Variants in KMT2C observed in about 807,000 individuals in gnomAD.
KMT2C encodes lysine methyltransferase 2C, also known as histone-lysine N-methyltransferase 2C.
In KMT2C, 88 loss-of-function variants were observed where a neutral mutation model predicts 507.9. The observed-to-expected ratio is 0.17, with a 90% CI of 0.15 to 0.21. The LOEUF is 0.21. KMT2C is among the 10% of genes least tolerant of loss of function. The pLI is 1.00. For missense variants in KMT2C, 4,954 were observed against 5,957.8 expected (o/e 0.83, Z 5.55); for synonymous variants, 2,049 against 2,080.8 (o/e 0.98, Z 0.42).
At chr7:152,195,537 A>T in intron 28 of KMT2C, 23 of 985,240 alleles carry the variant, frequency 2.3e-5, no homozygotes, top group Non-Finnish European at 2.8e-5. Context: ...GGAAAAGGTG[A>T]GCTCTCAACC....
At position 152,252,592 on chromosome 7, in the gene KMT2C, G is replaced by A; in HGVS notation, c.1423C>T (p.His475Tyr). 6.2e-7 allele frequency: 1 copy of A among 1,613,320 alleles called. No homozygotes were observed. The highest frequency in any genetic ancestry group is 1.1e-5 in the South Asian group (1 of 91,066). The stretch of plus-strand genomic sequence containing the variant: ...AGCATGTCTTTCTGCAATTCTGGAT[G>A]ATAACACTTCCCACAGAAGGGACAT... ...NLCPFCGKCY[H>Y]PELQKDMLHC... Residue 475 changes from histidine to tyrosine, a missense_variant, in exon 10 of 59, where the codon CAT becomes TAT. By Grantham distance (83) the His-to-Tyr change is moderately conservative (BLOSUM62 2). Transcript: ENST00000262189.
At position 152,144,675 on chromosome 7, in the gene KMT2C, C is replaced by G; in HGVS notation, c.14343+38G>C. 1 of 1,586,460 alleles carries G rather than the reference C, an allele frequency of 6.3e-7. No homozygotes were observed. The highest frequency in any genetic ancestry group is 1.1e-5 in the South Asian group (1 of 88,544). ...TAGCTTCAGATTGCTAGACTCCACC[C>G]TGTCTCTCCACTTCCTGTACACAAA... On this transcript the variant is annotated intron_variant, in intron 55 of 58. Coordinates refer to ENST00000262189, the MANE Select transcript of KMT2C (RefSeq NM_170606.3). The surrounding 1 kb of genome is among the most constrained non-coding windows in gnomAD (Gnocchi z 4.4).
chr7:152,237,737 G>A (rs1308844198), intron 15 of KMT2C, among the ~76,000 whole-genome samples: 3 of 152,050 alleles, frequency 2.0e-5, no homozygotes, highest in African/African-American at 4.8e-5. Context: ...CTGACCTCAA[G>A]TGATCTGCCC....
At chr7:152,347,709 C>A (rs2097073163) in intron 2 of KMT2C, among the ~76,000 whole-genome samples, 1 of 152,152 alleles carries the variant, frequency 6.6e-6, no homozygotes, top group African/African-American at 2.4e-5. Flanking sequence ...TAAATTTTAA[C>A]TTTCAGTAAT....
At chr7:152,364,940 C>G (rs974612643) in intron 1 of KMT2C, among the ~76,000 whole-genome samples, 146 of 145,150 alleles carry the variant, frequency 1.0e-3, no homozygotes, top group South Asian at 3.2e-3. Context: ...GACAGACACA[C>G]ACACACACAC....
intron 1 of KMT2C, among the ~76,000 whole-genome samples, chr7:152,430,134 C>T (rs1194159784): frequency 5.3e-5 from 8 of 150,032 alleles, no homozygotes; most frequent in Non-Finnish European, 7.4e-5. Context: ...GCCAGGATCA[C>T]GCCACTGCAC....
Position 152,320,330 on chromosome 7 carries a change from C to A in KMT2C, c.390-4992G>T, listed in dbSNP as rs547745054. ...ATGGTACGGTCTTGGCTCACTGTAA[C>A]CTCCACCTCCTGGGTTCAAGCAATT... On this transcript the variant is annotated intron_variant, in intron 3 of 58. Transcript: ENST00000262189. Among the ~76,000 whole-genome samples, 8 of 152,240 alleles carry A rather than the reference C, an allele frequency of 5.3e-5. No individual in the cohort carries two copies. In the East Asian group the frequency reaches 1.5e-3, roughly 29 times the overall value.
Position 152,156,012 on chromosome 7 carries a change from G to T in KMT2C, c.11858C>A (p.Pro3953His). ...AGCTCGGGCCAACAAGTCGTCCTGG[G>T]GTCTGAAGGGCAGCTGAAATGGTTT... is the stretch of plus-strand genomic sequence containing the variant. ...GPKPFQLPFR[P>H]QDDLLARALA... Residue 3953 changes from proline (P) to histidine (H), a missense_variant, in exon 46 of 59, where the codon CCC becomes CAC. Physicochemically the swap from Pro to His is moderately conservative, Grantham distance 77. This residue lies in a region of KMT2C where 104 missense variants were observed against 134.3 expected (regional missense o/e 0.77). Coordinates refer to ENST00000262189, the MANE Select transcript of KMT2C (RefSeq NM_170606.3). 1 of 1,606,658 alleles carries T rather than the reference G, an allele frequency of 6.2e-7. No individual in the cohort carries two copies. The highest frequency in any genetic ancestry group is 8.5e-7 in the Non-Finnish European group (1 of 1,178,320).
intron 27 of KMT2C, among the ~76,000 whole-genome samples, chr7:152,196,694 A>G (rs1214807369): frequency 6.6e-6 from 1 of 152,218 alleles, no homozygotes; most frequent in Non-Finnish European, 1.5e-5. Flanking sequence ...AAAACAAGGA[A>G]AAAGGATTAA....
At chr7:152,195,500 C>T (rs2093935812) in intron 28 of KMT2C, 1 of 978,724 alleles carries the variant, frequency 1.0e-6, no homozygotes, top group South Asian at 4.7e-5. Flanking sequence ...AGTCAGCCGT[C>T]ATCCATTGCT....
chr7:152,401,704 TAAAC>T (rs1299309595), intron 1 of KMT2C, among the ~76,000 whole-genome samples: 19 of 152,036 alleles, frequency 1.2e-4, no homozygotes, highest in Non-Finnish European at 1.6e-4. Context: ...AATAAATAAA[TAAAC>T]AAACAAAGTA....
At chr7:152,310,936 T>A (rs139521062) in intron 5 of KMT2C, among the ~76,000 whole-genome samples, 1 of 152,040 alleles carries the variant, frequency 6.6e-6, no homozygotes, top group African/African-American at 2.4e-5. Context: ...TCCACCTACC[T>A]CAGCCTGCCA....
At chr7:152,253,926 G>A (rs1457561740) in intron 9 of KMT2C, among the ~76,000 whole-genome samples, 1 of 152,126 alleles carries the variant, frequency 6.6e-6, no homozygotes, top group African/African-American at 2.4e-5. Context: ...ATCCCTGGGT[G>A]TAAGGTTAAT....
chr7:152,330,689 T>C lies in KMT2C; in HGVS notation c.301A>G (p.Ser101Gly). The change falls in exon 3 of 59, where the codon AGC becomes GGC. Residue 101 changes from serine (S) to glycine (G), a missense_variant. This residue lies in a region of KMT2C where 233 missense variants were observed against 263.6 expected (regional missense o/e 0.88). Transcript: ENST00000262189. The part of the protein sequence containing the change: ...EEDAEAEVDN[S>G]KQLIPTLQRS... ...TGAAGAGTTGGAATTAGCTGTTTGC[T>C]GTTATCCACTTCTGCTTCAGCATCC... is the stretch of plus-strand genomic sequence containing the variant. The C allele has an allele frequency of 6.2e-7, 1 of 1,614,006 alleles. No individual in the cohort carries two copies. Among genetic ancestry groups the C allele is most frequent in the Non-Finnish European group, 8.5e-7 (1 of 1,179,866 alleles).
intron 9 of KMT2C, among the ~76,000 whole-genome samples, chr7:152,260,689 T>A (rs1309048469): frequency 6.6e-6 from 1 of 152,272 alleles, no homozygotes; most frequent in Admixed American, 6.5e-5. Flanking sequence ...TGCCAAGTTC[T>A]TATAGCCTAA....
intron 6 of KMT2C, among the ~76,000 whole-genome samples, chr7:152,295,681 G>A (rs1352117940): frequency 6.6e-6 from 1 of 152,098 alleles, no homozygotes; most frequent in African/African-American, 2.4e-5. Flanking sequence ...GCTCTAAGCA[G>A]AAACATGCTT....
intron 2 of KMT2C, among the ~76,000 whole-genome samples, chr7:152,332,900 CTCG>C (rs898675345): frequency 3.0e-5 from 4 of 131,788 alleles, no homozygotes; most frequent in Non-Finnish European, 4.8e-5. Context: ...ACAAATTATT[CTCG>C]TCAACACCAC....
chr7:152,148,917 G>C lies in KMT2C; in HGVS notation c.13010C>G (p.Ala4337Gly), dbSNP rs1428224104. The change falls in exon 52 of 59, where the codon GCT (alanine) becomes GGT (glycine). Residue 4337 changes from alanine (A) to glycine (G), a missense_variant. By Grantham distance (60) the Ala-to-Gly change is moderately conservative (BLOSUM62 0). Coordinates refer to ENST00000262189, the MANE Select transcript of KMT2C (RefSeq NM_170606.3). The surrounding 1 kb of genome is among the most constrained non-coding windows in gnomAD (Gnocchi z 7.1). ...VTVKLKPRLR[A>G]VHGGFEDCRP... is the part of the protein sequence containing the mutation. ...GCAATCTTCAAACCCACCATGGACA[G>C]CTCTTAGCCGAGGCTTCAGCTTGAC... is the stretch of plus-strand genomic sequence containing the variant. 1 of 1,613,332 alleles carries C rather than the reference G, an allele frequency of 6.2e-7. No homozygotes were observed. The highest frequency in any genetic ancestry group is 8.5e-7 in the Non-Finnish European group (1 of 1,179,724).
intron 14 of KMT2C, among the ~76,000 whole-genome samples, chr7:152,244,988 C>A (rs2095446174): frequency 6.6e-6 from 1 of 152,112 alleles, no homozygotes; most frequent in Non-Finnish European, 1.5e-5. Flanking sequence ...TAATGGATGT[C>A]CAATACCTGA....
Sources: allele counts gnomAD v4.1 joint callset (sites outside exome capture counted in the v4.1 genomes callset), GRCh38; gene constraint gnomAD v4.1.1; regional missense constraint gnomAD v4.1.1; non-coding constraint Gnocchi (gnomAD v3.1); transcripts MANE v1.5; gene names NCBI Gene and HGNC (gene_info 2026-07-23, HGNC 2026-07-21).